Variants in UGGT2 observed in about 807,000 individuals in gnomAD.
UGGT2 encodes UDP-glucose:glycoprotein glucosyltransferase 2.
UGGT2 carries 180 observed loss-of-function variants against 192.1 expected under a neutral mutation model. The ratio of observed to expected loss-of-function variants is 0.94; its 90% confidence interval spans 0.83 to 1.06. The LOEUF is 1.06. Ranked by LOEUF, UGGT2 falls within the 50% of genes least tolerant of loss-of-function variation. UGGT2 has a pLI of 0.00. For missense variants in UGGT2, 1,849 were observed against 1,795.7 expected, an observed-to-expected ratio of 1.03 and a Z score of -0.54; for synonymous variants, 580 against 591.0, an observed-to-expected ratio of 0.98 and a Z score of 0.27.
intron 17 of UGGT2, among the ~76,000 whole-genome samples, chr13:95,936,370 T>C (rs1297236705): frequency 6.6e-6 from 1 of 152,222 alleles, no homozygotes; most frequent in Admixed American, 6.5e-5. Context: ...GAGGCCAACA[T>C]GGCAGGGTAT....
Position 95,941,390 on chromosome 13 carries a change from CA to C in UGGT2, c.1678-1300del, listed in dbSNP as rs562867623. On this transcript the variant is annotated intron_variant, in intron 15 of 38. Transcript: ENST00000376747. Reference sequence around the variant, plus strand: ...TACCCTATTCCTTTAAGCAGCAGCACAGGTATGTAATTAGACTGAAGAGTTT... The same window carrying C: ...TACCCTATTCCTTTAAGCAGCAGCACGGTATGTAATTAGACTGAAGAGTTT... Among the ~76,000 whole-genome samples, 12 of 152,282 alleles carry C rather than the reference CA, an allele frequency of 7.9e-5. No individual in the cohort carries two copies. In the South Asian group the frequency reaches 2.1e-3, roughly 26 times the overall value.
At chr13:96,032,013 A>G (rs1220405412) in intron 1 of UGGT2, 42 bp from the exon 2 acceptor site, 47 of 1,472,428 alleles carry the variant, frequency 3.2e-5, no homozygotes, top group Non-Finnish European at 4.4e-5. Context: ...GATGGAATTT[A>G]AAATGGTTTA....
chr13:96,034,063 G>A (rs1349599925), intron 1 of UGGT2, among the ~76,000 whole-genome samples: 1 of 152,130 alleles, frequency 6.6e-6, no homozygotes, highest in Non-Finnish European at 1.5e-5. Flanking sequence ...TCCCATGGAC[G>A]AGTCAGCACA....
chr13:95,922,303 G>A (rs1271729180), intron 20 of UGGT2, among the ~76,000 whole-genome samples: 1 of 152,168 alleles, frequency 6.6e-6, no homozygotes, highest in Non-Finnish European at 1.5e-5. Flanking sequence ...TACAAAAGGG[G>A]ATGGGAAGGG....
At chr13:95,974,600 A>G (rs1279340088) in intron 10 of UGGT2, among the ~76,000 whole-genome samples, 3 of 152,218 alleles carry the variant, frequency 2.0e-5, no homozygotes, top group African/African-American at 7.2e-5. Flanking sequence ...GAGATAAGTA[A>G]TTACAAATTC....
At chr13:96,006,794 C>T (rs899955227) in intron 5 of UGGT2, among the ~76,000 whole-genome samples, 1 of 151,978 alleles carries the variant, frequency 6.6e-6, no homozygotes, top group Non-Finnish European at 1.5e-5. Flanking sequence ...GGGATAGTAC[C>T]ACACATGGGA....
intron 15 of UGGT2, among the ~76,000 whole-genome samples, chr13:95,944,645 A>G (rs74623962): frequency 6.6e-6 from 1 of 151,970 alleles, no homozygotes; most frequent in Non-Finnish European, 1.5e-5. Flanking sequence ...CTAGTTCATT[A>G]ATGTATATTC....
At chr13:95,991,939 G>A (rs189837719) in intron 7 of UGGT2, among the ~76,000 whole-genome samples, 66 of 152,206 alleles carry the variant, frequency 4.3e-4, no homozygotes, top group Non-Finnish European at 9.1e-4. Context: ...GGCGGATCAC[G>A]AGGTCAGGAG....
intron 38 of UGGT2, 164 bp downstream of exon 38, chr13:95,832,763 T>G (rs753580175): frequency 9.9e-7 from 1 of 1,006,860 alleles, no homozygotes. Context: ...GTTTTAAACT[T>G]GTAAGCTTAG....
At chr13:95,954,446 T>C (rs2050155413) in intron 12 of UGGT2, among the ~76,000 whole-genome samples, 1 of 152,194 alleles carries the variant, frequency 6.6e-6, no homozygotes, top group African/African-American at 2.4e-5. Context: ...TTAAAGCAGA[T>C]CTTAAGACTG....
intron 15 of UGGT2, among the ~76,000 whole-genome samples, chr13:95,941,751 T>A (rs184193404): frequency 6.6e-6 from 1 of 152,138 alleles, no homozygotes; most frequent in African/African-American, 2.4e-5. Context: ...GGAATACACA[T>A]AACATACACA....
intron 38 of UGGT2, among the ~76,000 whole-genome samples, chr13:95,816,157 C>T (rs1304014447): frequency 6.6e-6 from 1 of 152,164 alleles, no homozygotes; most frequent in African/African-American, 2.4e-5. Flanking sequence ...ATTACCCAGT[C>T]TCAGGTATTT....
intron 20 of UGGT2, among the ~76,000 whole-genome samples, chr13:95,924,498 G>C (rs2048958392): frequency 7.3e-6 from 1 of 136,270 alleles, no homozygotes; most frequent in Non-Finnish European, 1.5e-5. Context: ...AAATAAAAAT[G>C]CTTAATTTAA....
intron 36 of UGGT2, among the ~76,000 whole-genome samples, chr13:95,845,036 A>C (rs1371813149): frequency 6.6e-6 from 1 of 152,170 alleles, no homozygotes; most frequent in East Asian, 1.9e-4. Flanking sequence ...TTTTGCATAT[A>C]ATTAGCTGAT....
rs779220488 is a variant in UGGT2 at position 96,023,589 on chromosome 13, G to A, written c.372+40C>T. On this transcript the variant is annotated intron_variant, in intron 3 of 38. Coordinates refer to ENST00000376747, the MANE Select transcript of UGGT2 (RefSeq NM_020121.4). ...AAAGAACTCTATGTACATTGCTAGC[G>A]TGCCTCTTTGTCAAATACAGATTGG... 37 of 1,576,992 alleles carry A rather than the reference G, an allele frequency of 2.3e-5. 1 individual carries two copies. Among genetic ancestry groups the A allele is most frequent in the Middle Eastern group, 1.7e-4 (1 of 5,912 alleles).
chr13:95,898,816 C>T (rs1332932927), intron 22 of UGGT2, among the ~76,000 whole-genome samples: 1 of 152,158 alleles, frequency 6.6e-6, no homozygotes. Flanking sequence ...CCATCAGATG[C>T]CAGTGCCTTG....
intron 36 of UGGT2, among the ~76,000 whole-genome samples, chr13:95,841,547 C>G (rs538675411): frequency 6.6e-6 from 1 of 152,146 alleles, no homozygotes; most frequent in Non-Finnish European, 1.5e-5. Flanking sequence ...GATGTAGCAG[C>G]CAGATTGCCC....
chr13:96,026,659 C>CT (rs71211702), intron 2 of UGGT2, among the ~76,000 whole-genome samples: 5,002 of 101,540 alleles, frequency 0.049, 218 homozygotes, highest in Non-Finnish European at 0.056. Flanking sequence ...TTTCACTCTT[C>CT]TTTTTTTTTT....
intron 10 of UGGT2, among the ~76,000 whole-genome samples, chr13:95,982,461 G>A (rs2051156954): frequency 6.6e-6 from 1 of 152,148 alleles, no homozygotes; most frequent in African/African-American, 2.4e-5. Context: ...CAGCCAAGTG[G>A]AAAGCCCATA....
Sources: gnomAD v4.1 joint callset for allele counts (sites outside exome capture counted in the v4.1 genomes callset) on GRCh38, gnomAD v4.1.1 for gene constraint, MANE v1.5 for transcripts, NCBI Gene and HGNC (gene_info 2026-07-23, HGNC 2026-07-21) for gene names.